SEMA5B: variants seen among roughly 807,000 people sequenced by gnomAD.
The protein encoded by SEMA5B is semaphorin 5B.
Under a neutral mutation model 135.0 loss-of-function variants are expected in SEMA5B, and 66 were observed. That is an observed-to-expected ratio of 0.49 (90% CI 0.40 to 0.60). The LOEUF (loss-of-function observed/expected upper bound fraction) is 0.60, where lower values mean the gene tolerates loss of function less well. SEMA5B is among the 20% of genes least tolerant of loss of function. The pLI, the probability that SEMA5B is intolerant of heterozygous loss-of-function variation, is 0.00. For synonymous variants in SEMA5B, 690 were observed against 639.5 expected, an observed-to-expected ratio of 1.08 and a Z score of -1.19; for missense variants, 1,501 against 1,566.3, an observed-to-expected ratio of 0.96 and a Z score of 0.70.
intron 4 of SEMA5B, among the ~76,000 whole-genome samples, chr3:122,942,265 G>T (rs565558324): frequency 6.6e-6 from 1 of 152,286 alleles, no homozygotes; most frequent in Non-Finnish European, 1.5e-5. Flanking sequence ...GATCCCCCAG[G>T]ACAGGAACCC....
intron 5 of SEMA5B, among the ~76,000 whole-genome samples, chr3:122,931,658 C>T (rs924217872): frequency 3.9e-5 from 6 of 152,184 alleles, no homozygotes; most frequent in African/African-American, 1.4e-4. Flanking sequence ...GTTGTCAGTG[C>T]TCATTTTTGC....
chr3:122,912,895 G>T lies in SEMA5B; in HGVS notation c.2673C>A (p.Pro891=), dbSNP rs1451812762. ...GGTACTCGGCAGCATCGCCCACGCA[G>T]GGCAGGCCCCCGTTGCGGGGCTCCG... ...TNPEPRNGGL[P]CVGDAAEYQD... Residue 891 remains proline, a synonymous_variant, in exon 18 of 23, where the codon CCC becomes CCA. Coordinates refer to ENST00000357599, the MANE Select transcript of SEMA5B (RefSeq NM_001031702.4). 2.8e-5 allele frequency: 45 copies of T among 1,610,788 alleles called. No individual in the cohort carries two copies. The highest frequency in any genetic ancestry group is 3.6e-5 in the Non-Finnish European group (43 of 1,178,582).
At chr3:122,985,737 G>A (rs1941677711) in intron 1 of SEMA5B, among the ~76,000 whole-genome samples, 1 of 152,166 alleles carries the variant, frequency 6.6e-6, no homozygotes, top group African/African-American at 2.4e-5. Context: ...AAAGCTAGGG[G>A]ATCTCCCAAG....
In SEMA5B at chr3:122,913,685, G is replaced by T. The variant is rs891281387; in HGVS notation, c.2133-4C>A. On this transcript the variant is annotated splice_region_variant and splice_polypyrimidine_tract_variant and intron_variant, in intron 15 of 22. Coordinates refer to ENST00000357599, the MANE Select transcript of SEMA5B (RefSeq NM_001031702.4). ...AGGCGTGTTCTCATTACAGAACCTG[G>T]GGTCGGGGGAGAGGCGTCAATCCAG... 1.2e-6 allele frequency: 2 copies of T among 1,613,240 alleles called. No individual in the cohort carries two copies. Among genetic ancestry groups the T allele is most frequent in the Non-Finnish European group, 1.7e-6 (2 of 1,179,706 alleles).
At chr3:122,970,472 G>A (rs564858966) in intron 1 of SEMA5B, among the ~76,000 whole-genome samples, 66 of 152,266 alleles carry the variant, frequency 4.3e-4, no homozygotes, top group African/African-American at 1.5e-3. Context: ...TGATGCTTAC[G>A]GTCTAGGGAC....
chr3:122,913,199 C>T lies in SEMA5B; in HGVS notation c.2506G>A (p.Ala836Thr). ...ADGSGSCDTD[A>T]LVEVLLRSGS... The stretch of plus-strand genomic sequence containing the variant: ...GGAGGGGGCGCCGGGCGCGGGGTAC[C>T]GTCGGTGTCGCAGGAGCCGGAGCCG... Residue 836 changes from alanine (A) to threonine (T), a missense_variant and splice_region_variant, in exon 17 of 23, where the codon GCC (alanine) becomes ACC (threonine). Physicochemically the swap from Ala to Thr is moderately conservative, Grantham distance 58. Coordinates refer to ENST00000357599, the MANE Select transcript of SEMA5B (RefSeq NM_001031702.4). The T allele has an allele frequency of 6.4e-7, 1 of 1,560,018 alleles. No individual in the cohort carries two copies. The highest frequency in any genetic ancestry group is 2.4e-5 in the East Asian group (1 of 41,732).
chr3:122,922,151 TG>T (rs1560297660), intron 11 of SEMA5B, 29 bp from the exon 12 acceptor site: 1 of 1,542,880 alleles, frequency 6.5e-7, no homozygotes, highest in Middle Eastern at 1.7e-4. Flanking sequence ...CAGACCAAGG[TG>T]GCCTTGAAGG....
At position 122,967,957 on chromosome 3, in the gene SEMA5B, G is replaced by T. The variant is rs538262531; in HGVS notation, c.-38-6656C>A. On this transcript the variant is annotated intron_variant, in intron 1 of 22. Coordinates refer to ENST00000357599, the MANE Select transcript of SEMA5B (RefSeq NM_001031702.4). ...CTGCGTGCACAAGAGACCATGCACC[G>T]GGCCCAGCCCTCAGCCCGCCCAAGG... Among the ~76,000 whole-genome samples the T allele has an allele frequency of 3.9e-5, 6 of 152,328 alleles. No homozygotes were observed. In the East Asian group the frequency reaches 1.2e-3, roughly 29 times the overall value.
At chr3:123,020,235 T>C (rs149227538) in intron 1 of SEMA5B, among the ~76,000 whole-genome samples, 1 of 152,308 alleles carries the variant, frequency 6.6e-6, no homozygotes, top group Non-Finnish European at 1.5e-5. Context: ...ATCCGTATGA[T>C]GGAATACCAG....
chr3:122,940,257 G>A lies in SEMA5B; in HGVS notation c.429-787C>T, dbSNP rs1236050444. ...TAAGTGTCAGCTGCTGCTGAAATTT[G>A]TTTGCATGGATGCTGGAGTCAGAAG... On this transcript the variant is annotated intron_variant, in intron 4 of 22. Coordinates refer to ENST00000357599, the MANE Select transcript of SEMA5B (RefSeq NM_001031702.4). Among the ~76,000 whole-genome samples the A allele has an allele frequency of 2.0e-5, 3 of 152,210 alleles. 1 individual carries two copies. Among genetic ancestry groups the A allele is most frequent in the Non-Finnish European group, 4.4e-5 (3 of 68,044 alleles).
At position 122,913,422 on chromosome 3, in the gene SEMA5B, C is replaced by G; in HGVS notation, c.2283G>C (p.Glu761Asp). ...AGCCCTCGGGGTTGCACGTCTTGAA[C>G]TCCTGCGGGTGGCGGCAGAGGCAGC... ...NGNSCLGCGVEFKTCNPEGCP... is the reference protein window; with the variant it reads ...NGNSCLGCGVDFKTCNPEGCP... The change falls in exon 17 of 23, where the codon GAG becomes GAC. Residue 761 changes from glutamate to aspartate, a missense_variant and splice_region_variant. Glu to Asp is a conservative substitution (Grantham distance 45). Around this residue, in one of 2 missense-constraint regions of SEMA5B, gnomAD observed 927 missense variants for 881.6 expected, o/e 1.05. Transcript: ENST00000357599. The G allele has an allele frequency of 6.4e-7, 1 of 1,567,490 alleles. No homozygotes were observed. Among genetic ancestry groups the G allele is most frequent in the Non-Finnish European group, 8.6e-7 (1 of 1,160,408 alleles).
At chr3:122,981,828 C>T (rs1256710403) in intron 1 of SEMA5B, among the ~76,000 whole-genome samples, 1 of 152,210 alleles carries the variant, frequency 6.6e-6, no homozygotes, top group African/African-American at 2.4e-5. Context: ...ATTCCAGAAA[C>T]AGGTGATGTG....
At chr3:122,997,365 T>G (rs1322647492) in intron 1 of SEMA5B, among the ~76,000 whole-genome samples, 1 of 152,100 alleles carries the variant, frequency 6.6e-6, no homozygotes, top group African/African-American at 2.4e-5. Context: ...CTATCCTTCT[T>G]GCATCTCCTC....
intron 1 of SEMA5B, among the ~76,000 whole-genome samples, chr3:123,007,146 A>G (rs1942335180): frequency 6.6e-6 from 1 of 152,048 alleles, no homozygotes; most frequent in African/African-American, 2.4e-5. Context: ...TGACCTCCCA[A>G]CACCTACTCA....
At chr3:122,996,339 G>A (rs1470424958) in intron 1 of SEMA5B, among the ~76,000 whole-genome samples, 1 of 152,248 alleles carries the variant, frequency 6.6e-6, no homozygotes, top group Non-Finnish European at 1.5e-5. Context: ...GGACGTCCCT[G>A]CCTTTGGCAC....
chr3:122,959,688 T>C (rs762466212), intron 2 of SEMA5B, among the ~76,000 whole-genome samples: 1 of 152,182 alleles, frequency 6.6e-6, no homozygotes, highest in Non-Finnish European at 1.5e-5. Context: ...ACCAAATGCA[T>C]GCACAGAGAG....
chr3:122,952,864 T>TGCTTCC (rs954068856), intron 2 of SEMA5B, among the ~76,000 whole-genome samples: 8 of 152,174 alleles, frequency 5.3e-5, no homozygotes, highest in Admixed American at 5.2e-4. Flanking sequence ...AGAGCTCGTC[T>TGCTTCC]GCTTCCAGGC....
At position 122,927,691 on chromosome 3, in the gene SEMA5B, G is replaced by A. The variant is rs528853920; in HGVS notation, c.850+99C>T. The A allele has an allele frequency of 8.1e-6, 7 of 868,782 alleles. No individual in the cohort carries two copies. In the East Asian group the frequency reaches 1.2e-4, roughly 16 times the overall value. 53.8% of individuals were successfully genotyped at this position (868,782 alleles called of 1,614,324 possible). On this transcript the variant is annotated intron_variant, in intron 8 of 22. Coordinates refer to ENST00000357599, the MANE Select transcript of SEMA5B (RefSeq NM_001031702.4). ...CTTGATGAGGCAAGTGGGAGCACTT[G>A]CAGAGGTTGGCAGGAAGGAGGATGA... is the stretch of plus-strand genomic sequence containing the variant.
intron 1 of SEMA5B, among the ~76,000 whole-genome samples, chr3:122,965,896 G>A (rs1560377421): frequency 6.6e-6 from 1 of 152,192 alleles, no homozygotes; most frequent in Non-Finnish European, 1.5e-5. Flanking sequence ...CATGAGATGG[G>A]AGCTCTGAGG....
Sources: gnomAD v4.1 joint callset for allele counts (sites outside exome capture counted in the v4.1 genomes callset) on GRCh38, gnomAD v4.1.1 for gene constraint, gnomAD v4.1.1 regional missense constraint, MANE v1.5 for transcripts, NCBI Gene and HGNC (gene_info 2026-07-23, HGNC 2026-07-21) for gene names.